The following ASTN2 variants were observed in gnomAD, a reference collection of about 807,000 sequenced individuals.
ASTN2 encodes the protein astrotactin-2.
A neutral mutation model predicts 139.8 loss-of-function variants in ASTN2; 54 were observed. The ratio of observed to expected loss-of-function variants is 0.39; its 90% CI spans 0.31 to 0.48. The LOEUF is 0.48. Ranked by LOEUF, ASTN2 falls within the 20% of genes least tolerant of loss-of-function variation. The pLI, the probability that ASTN2 is intolerant of heterozygous loss-of-function variation, is 0.95. For missense variants in ASTN2, 1,565 were observed against 1,725.1 expected (o/e 0.91, Z 1.64); for synonymous variants, 756 against 719.5 (o/e 1.05, Z -0.81).
At chr9:116,986,169 C>CG (rs1227858368) in intron 7 of ASTN2, among the ~76,000 whole-genome samples, 4 of 139,346 alleles carry the variant, frequency 2.9e-5, no homozygotes, top group Admixed American at 1.4e-4. Flanking sequence ...TGCCCCCCCC[C>CG]ACCCCCCTGC....
At chr9:117,001,092 T>C (rs905501063) in intron 7 of ASTN2, among the ~76,000 whole-genome samples, 1 of 152,122 alleles carries the variant, frequency 6.6e-6, no homozygotes, top group African/African-American at 2.4e-5. Context: ...ACCAAGACAA[T>C]TATATATATG....
chr9:117,377,735 T>C (rs1019552561), intron 1 of ASTN2, among the ~76,000 whole-genome samples: 3 of 152,122 alleles, frequency 2.0e-5, no homozygotes, highest in South Asian at 2.1e-4. Flanking sequence ...AAATAAATTA[T>C]AGTAATCAAT....
chr9:116,882,390 T>G (rs931116231), intron 10 of ASTN2, among the ~76,000 whole-genome samples: 5 of 152,178 alleles, frequency 3.3e-5, no homozygotes, highest in African/African-American at 1.2e-4. Context: ...TTAAGTATAC[T>G]TGTTAAAACA....
At chr9:117,185,196 T>G (rs1012504411) in intron 3 of ASTN2, among the ~76,000 whole-genome samples, 6 of 152,216 alleles carry the variant, frequency 3.9e-5, no homozygotes, top group African/African-American at 1.4e-4. Flanking sequence ...AATCCTCTTC[T>G]TTTTTACATT....
At chr9:117,170,282 T>C (rs865993696) in intron 3 of ASTN2, among the ~76,000 whole-genome samples, 7 of 152,128 alleles carry the variant, frequency 4.6e-5, no homozygotes, top group Admixed American at 3.3e-4. Flanking sequence ...TGTGCTTGTA[T>C]ATCATTGACA....
At chr9:117,328,113 C>T (rs1828579376) in intron 1 of ASTN2, among the ~76,000 whole-genome samples, 1 of 152,130 alleles carries the variant, frequency 6.6e-6, no homozygotes, top group African/African-American at 2.4e-5. Flanking sequence ...ATTCTCGAGT[C>T]CTTGCAATTG....
chr9:117,369,353 T>C (rs1564170208), intron 1 of ASTN2, among the ~76,000 whole-genome samples: 2 of 152,114 alleles, frequency 1.3e-5, no homozygotes, highest in African/African-American at 2.4e-5. Context: ...CTACCATTTA[T>C]TGTGTGCTTT....
chr9:117,319,240 C>T (rs757591888), intron 1 of ASTN2, among the ~76,000 whole-genome samples: 22 of 152,132 alleles, frequency 1.4e-4, no homozygotes, highest in Non-Finnish European at 2.2e-4. Flanking sequence ...TCAATGAATG[C>T]TCACCTCTAT....
chr9:117,082,876 T>C (rs1457696524), intron 5 of ASTN2, among the ~76,000 whole-genome samples: 1 of 152,182 alleles, frequency 6.6e-6, no homozygotes, highest in Non-Finnish European at 1.5e-5. Flanking sequence ...GCAGGCTCTT[T>C]CCTGCTCACA....
At chr9:116,447,621 T>C (rs551163373) in intron 20 of ASTN2, among the ~76,000 whole-genome samples, 23 of 152,306 alleles carry the variant, frequency 1.5e-4, no homozygotes, top group African/African-American at 5.5e-4. Context: ...TTCTCGTACA[T>C]TGGCTGTGTG....
At chr9:117,085,455 T>C (rs945382333) in intron 5 of ASTN2, among the ~76,000 whole-genome samples, 3 of 151,990 alleles carry the variant, frequency 2.0e-5, no homozygotes, top group Non-Finnish European at 4.4e-5. Flanking sequence ...CACAGCAGAG[T>C]TGGGAAGAGA....
intron 1 of ASTN2, among the ~76,000 whole-genome samples, chr9:117,296,659 C>A (rs1394475563): frequency 1.3e-5 from 2 of 152,214 alleles, no homozygotes; most frequent in Non-Finnish European, 2.9e-5. Flanking sequence ...ATTATGCTGA[C>A]ATGATGAATA....
At chr9:117,141,216 A>C in intron 4 of ASTN2, 110 bp downstream of exon 4, 1 of 1,161,618 alleles carries the variant, frequency 8.6e-7, no homozygotes, top group South Asian at 1.4e-5. Context: ...AAGTGGCACA[A>C]GTTTTATGAG....
At chr9:117,341,834 G>C (rs971865747) in intron 1 of ASTN2, among the ~76,000 whole-genome samples, 3 of 152,128 alleles carry the variant, frequency 2.0e-5, no homozygotes, top group Non-Finnish European at 4.4e-5. Context: ...CCTTGTTTCT[G>C]CAAAATACCA....
intron 1 of ASTN2, among the ~76,000 whole-genome samples, chr9:117,381,376 G>A (rs1830266505): frequency 6.6e-6 from 1 of 152,106 alleles, no homozygotes; most frequent in South Asian, 2.1e-4. Context: ...TGTATCTCAT[G>A]TTGAAATACA....
At chr9:117,321,545 A>T (rs1243156470) in intron 1 of ASTN2, among the ~76,000 whole-genome samples, 1 of 152,230 alleles carries the variant, frequency 6.6e-6, no homozygotes, top group Admixed American at 6.5e-5. Flanking sequence ...GAGGAATGGA[A>T]TCAAGTTATA....
At chr9:116,897,711 G>T (rs942076162) in intron 10 of ASTN2, among the ~76,000 whole-genome samples, 73 of 151,352 alleles carry the variant, frequency 4.8e-4, no homozygotes, top group Admixed American at 4.8e-3. Flanking sequence ...AAATATTGCT[G>T]AGAGTAAAAA....
intron 16 of ASTN2, among the ~76,000 whole-genome samples, chr9:116,678,137 C>T (rs1859620696): frequency 6.6e-6 from 1 of 152,112 alleles, no homozygotes; most frequent in African/African-American, 2.4e-5. Context: ...AAAATATAGA[C>T]ACTTGTTCTA....
chr9:116,478,396 T>C (rs1452631793), intron 20 of ASTN2, among the ~76,000 whole-genome samples: 3 of 152,246 alleles, frequency 2.0e-5, no homozygotes, highest in South Asian at 2.1e-4. Context: ...ACAAGAACCC[T>C]ATCAAGCCTC....
Sources: allele counts gnomAD v4.1 joint callset (sites outside exome capture counted in the v4.1 genomes callset), GRCh38; gene constraint gnomAD v4.1.1; transcripts MANE v1.5; gene names NCBI Gene and HGNC (gene_info 2026-07-23, HGNC 2026-07-21).